EEA1: variants seen among roughly 807,000 people sequenced by gnomAD.
EEA1 encodes early endosome antigen 1.
A neutral mutation model predicts 209.2 loss-of-function variants in EEA1; 111 were observed. The observed-to-expected ratio is 0.53, with a 90% CI of 0.45 to 0.62. The LOEUF is 0.62. EEA1 is among the 20% of genes least tolerant of loss of function. EEA1 has a pLI of 0.00. For missense variants in EEA1, 1,343 were observed against 1,530.8 expected, an observed-to-expected ratio of 0.88 and a Z score of 2.05; for synonymous variants, 536 against 540.6, an observed-to-expected ratio of 0.99 and a Z score of 0.12.
At chr12:92,781,497 A>G (rs1873900588) in intron 23 of EEA1, among the ~76,000 whole-genome samples, 1 of 152,210 alleles carries the variant, frequency 6.6e-6, no homozygotes, top group Non-Finnish European at 1.5e-5. Flanking sequence ...TACTGGTCAT[A>G]TATTAGTAAA....
chr12:92,834,690 CAT>C (rs1876833343), intron 10 of EEA1, among the ~76,000 whole-genome samples: 1 of 150,922 alleles, frequency 6.6e-6, no homozygotes, highest in Non-Finnish European at 1.5e-5. Flanking sequence ...GAAAAAAAGA[CAT>C]AGAGCCAAGA....
intron 5 of EEA1, among the ~76,000 whole-genome samples, chr12:92,856,875 G>C (rs909518503): frequency 4.1e-5 from 6 of 146,980 alleles, no homozygotes; most frequent in East Asian, 2.1e-4. Flanking sequence ...GAGGTCAAGT[G>C]AATCTCCCAT....
Position 92,773,233 on chromosome 12 carries a change from T to C in EEA1, c.*2778A>G, listed in dbSNP as rs1031447615. ...TGCTCTCTACTTAAAAGCTAAACATTTTTATGCAAATGTAAGGTTAAAAAA... is the reference window on the plus strand; with the variant it reads ...TGCTCTCTACTTAAAAGCTAAACATCTTTATGCAAATGTAAGGTTAAAAAA... On this transcript the variant is annotated 3_prime_UTR_variant, in exon 29 of 29. Coordinates refer to ENST00000322349, the MANE Select transcript of EEA1 (RefSeq NM_003566.4). 1 of 152,118 alleles carries C rather than the reference T, an allele frequency of 6.6e-6. No homozygotes were observed. The highest frequency in any genetic ancestry group is 1.5e-5 in the Non-Finnish European group (1 of 67,676). The allele number at this position is 152,118 out of a possible 1,614,324, so 9.4% of individuals were successfully genotyped here.
At chr12:92,916,369 T>C (rs575331423) in intron 1 of EEA1, among the ~76,000 whole-genome samples, 27 of 151,918 alleles carry the variant, frequency 1.8e-4, no homozygotes, top group African/African-American at 6.3e-4. Context: ...AACTTAAAAA[T>C]CTGGGCCGGG....
rs1408803409 is a variant in EEA1 at position 92,772,964 on chromosome 12, A to C, written c.*3047T>G. ...TTTAGTAAGTTTATGCACAATATTC[A>C]CATCTGCAACAATAACAAATTGATC... On this transcript the variant is annotated 3_prime_UTR_variant, in exon 29 of 29. Coordinates refer to ENST00000322349, the MANE Select transcript of EEA1 (RefSeq NM_003566.4). 1 of 152,272 alleles carries C rather than the reference A, an allele frequency of 6.6e-6. No individual in the cohort carries two copies. The highest frequency in any genetic ancestry group is 1.5e-5 in the Non-Finnish European group (1 of 67,746). The allele number at this position is 152,272 out of a possible 1,614,324, so 9.4% of individuals were successfully genotyped here.
intron 9 of EEA1, among the ~76,000 whole-genome samples, chr12:92,849,942 T>G (rs1280648441): frequency 6.6e-6 from 1 of 152,210 alleles, no homozygotes; most frequent in Non-Finnish European, 1.5e-5. Context: ...CATAACAAAA[T>G]GTCTCCTATA....
chr12:92,827,227 C>T (rs1192559487), intron 12 of EEA1, among the ~76,000 whole-genome samples: 1 of 152,028 alleles, frequency 6.6e-6, no homozygotes, highest in Admixed American at 6.6e-5. Flanking sequence ...CGTAGTGGCG[C>T]ACATCTGTAG....
intron 2 of EEA1, chr12:92,884,009 T>C: frequency 7.1e-7 from 1 of 1,401,342 alleles, no homozygotes; most frequent in Non-Finnish European, 1.0e-6. Context: ...CCACATAAGG[T>C]GGATGGAAGA....
At chr12:92,834,382 A>T (rs1876812469) in intron 10 of EEA1, among the ~76,000 whole-genome samples, 1 of 151,978 alleles carries the variant, frequency 6.6e-6, no homozygotes, top group Non-Finnish European at 1.5e-5. Context: ...TATCTCTACC[A>T]AAAGAAAAAC....
chr12:92,909,865 G>C (rs1385708326), intron 1 of EEA1, among the ~76,000 whole-genome samples: 3 of 152,064 alleles, frequency 2.0e-5, no homozygotes, highest in Non-Finnish European at 4.4e-5. Flanking sequence ...AATTTAGGTT[G>C]GGCACAGTGG....
chr12:92,864,917 A>T lies in EEA1; in HGVS notation c.188T>A (p.Val63Asp). ...ADELFKHYEA[V>D]HDAGNDSGHG... Reference sequence around the variant, plus strand: ...ACCTGAGTCATTACCAGCATCATGAACAGCTTCATAATGTTTGAAAAGTTC... The same window carrying T: ...ACCTGAGTCATTACCAGCATCATGATCAGCTTCATAATGTTTGAAAAGTTC... Residue 63 changes from valine (V) to aspartate (D), a missense_variant, in exon 3 of 29, where the codon GTT becomes GAT. Physicochemically the swap from Val to Asp is radical, Grantham distance 152. Around this residue, in one of 3 missense-constraint regions of EEA1, gnomAD observed 1,307 missense variants for 1,465.5 expected, o/e 0.89. Transcript: ENST00000322349. 6.2e-7 allele frequency: 1 copy of T among 1,611,290 alleles called. No homozygotes were observed. Among genetic ancestry groups the T allele is most frequent in the Non-Finnish European group, 8.5e-7 (1 of 1,178,786 alleles).
chr12:92,926,638 G>C lies in EEA1; in HGVS notation c.24+2405C>G, dbSNP rs891918663. ...GACTCTTACGTCCTCTCACAATTTG[G>C]TCTCTAGCCACCACGGTAGCTTCAT... is the stretch of plus-strand genomic sequence containing the variant. On this transcript the variant is annotated intron_variant, in intron 1 of 28. Coordinates refer to ENST00000322349, the MANE Select transcript of EEA1 (RefSeq NM_003566.4). Among the ~76,000 whole-genome samples, 8 of 152,088 alleles carry C rather than the reference G, an allele frequency of 5.3e-5. No individual in the cohort carries two copies. The East Asian group carries it at 1.3e-3, about 26-fold the overall frequency.
chr12:92,790,849 A>G (rs1874370074), intron 21 of EEA1, among the ~76,000 whole-genome samples: 1 of 152,218 alleles, frequency 6.6e-6, no homozygotes, highest in African/African-American at 2.4e-5. Flanking sequence ...AAATGAAGGA[A>G]AAAATGTTAA....
chr12:92,886,414 T>G (rs1432008717), intron 2 of EEA1, among the ~76,000 whole-genome samples: 139 of 19,684 alleles, frequency 7.1e-3, no homozygotes, highest in Non-Finnish European at 8.2e-3. Flanking sequence ...AGGGGAGGGG[T>G]GGAGAGAGGA....
intron 2 of EEA1, among the ~76,000 whole-genome samples, chr12:92,872,000 C>T (rs1878670663): frequency 6.6e-6 from 1 of 152,084 alleles, no homozygotes; most frequent in African/African-American, 2.4e-5. Flanking sequence ...TGTGCCTCAG[C>T]CTCCCGAGTA....
At position 92,801,672 on chromosome 12, in the gene EEA1, T is replaced by C. The variant is rs141496866; in HGVS notation, c.2700A>G (p.Gln900=). The change falls in exon 20 of 29, where the codon CAA becomes CAG. Residue 900 remains glutamine (Q), a synonymous_variant. Transcript: ENST00000322349. The part of the protein sequence containing the change: ...LEKTCKELKH[Q]LQVQMENTLK... ...GTGTGTTTTCCATCTGCACTTGAAG[T>C]TGATGCTTTAATTCTTTGCAAGTTT... 475 of 1,596,730 alleles carry C rather than the reference T, an allele frequency of 3.0e-4. 1 individual carries two copies. In the African/African-American group the frequency reaches 6.1e-3, roughly 20 times the overall value.
At chr12:92,818,894 G>A (rs771278910) in intron 14 of EEA1, among the ~76,000 whole-genome samples, 1 of 152,096 alleles carries the variant, frequency 6.6e-6, no homozygotes, top group Admixed American at 6.6e-5. Flanking sequence ...TGTTAAGTCT[G>A]TATATTAATC....
intron 14 of EEA1, among the ~76,000 whole-genome samples, chr12:92,816,647 A>G (rs1875798876): frequency 6.6e-6 from 1 of 152,186 alleles, no homozygotes; most frequent in Non-Finnish European, 1.5e-5. Flanking sequence ...AAATTCATTC[A>G]ATTTAAGTTG....
In EEA1 at chr12:92,777,589, G is replaced by A. The variant is rs1565803614; in HGVS notation, c.3968C>T (p.Thr1323Ile). 6.2e-6 allele frequency: 10 copies of A among 1,612,344 alleles called. No homozygotes were observed. The highest frequency in any genetic ancestry group is 8.5e-6 in the Non-Finnish European group (10 of 1,178,848). Residue 1323 changes from threonine to isoleucine, a missense_variant, in exon 27 of 29, where the codon ACA (threonine) becomes ATA (isoleucine). This residue lies in a region of EEA1 where 1,307 missense variants were observed against 1,465.5 expected (regional missense o/e 0.89). Coordinates refer to ENST00000322349, the MANE Select transcript of EEA1 (RefSeq NM_003566.4). ...VLELQRKLDN[T>I]TAAVQELGRE... Reference sequence around the variant, plus strand: ...GCCCAGCTCCTGCACTGCTGCAGTTGTATTATCCAGCTTTCTTTGCAATTC... The same window carrying A: ...GCCCAGCTCCTGCACTGCTGCAGTTATATTATCCAGCTTTCTTTGCAATTC...
Sources: gnomAD v4.1 joint callset for allele counts (sites outside exome capture counted in the v4.1 genomes callset) on GRCh38, gnomAD v4.1.1 for gene constraint, gnomAD v4.1.1 regional missense constraint, MANE v1.5 for transcripts, NCBI Gene and HGNC (gene_info 2026-07-23, HGNC 2026-07-21) for gene names.